NT5DC2: variants seen among roughly 807,000 people sequenced by gnomAD.
NT5DC2 encodes the protein 5'-nucleotidase domain-containing protein 2.
Under a neutral mutation model 70.0 loss-of-function variants are expected in NT5DC2, and 41 were observed. The ratio of observed to expected loss-of-function variants is 0.59; its 90% CI spans 0.46 to 0.76. NT5DC2 has a LOEUF of 0.76. NT5DC2 is among the 30% of genes least tolerant of loss of function. The pLI is 0.00. For missense variants in NT5DC2, 705 were observed against 783.2 expected (o/e 0.90, Z 1.19); for synonymous variants, 299 against 310.4 (o/e 0.96, Z 0.39).
At chr3:52,534,151 ACCCC>A, upstream of NT5DC2, 2 of 291,116 alleles carry the variant, frequency 6.9e-6, no homozygotes, top group Non-Finnish European at 1.3e-5. Context: ...CGCGACGGGT[ACCCC>A]CCGGGCCCCC....
At chr3:52,533,429 C>A in intron 1 of NT5DC2, 77 bp downstream of exon 1, 1 of 1,389,064 alleles carries the variant, frequency 7.2e-7, no homozygotes, top group Non-Finnish European at 9.5e-7. Flanking sequence ...CCCGGAGGAG[C>A]GGCACCCTGG....
upstream of NT5DC2, chr3:52,534,418 G>A (rs2153249204): frequency 1.3e-6 from 2 of 1,559,536 alleles, no homozygotes; most frequent in East Asian, 2.3e-5. Context: ...GAGGCCGAGG[G>A]GCCTGCAGGG....
chr3:52,533,526 T>A lies in NT5DC2; in HGVS notation c.212A>T (p.Asp71Val). The change falls in exon 1 of 14, where the codon GAC becomes GTC. Residue 71 changes from aspartate (D) to valine (V), a missense_variant. Transcript: ENST00000422318. ...LSAHLWARYQ[D>V]MRRLVHDLLP... is the part of the protein sequence containing the mutation. ...CCCACCGTGCACCAGTCTCCGCATGTCCTGGTAGCGAGCCCATAGGTGCGC... is the reference window on the plus strand; with the variant it reads ...CCCACCGTGCACCAGTCTCCGCATGACCTGGTAGCGAGCCCATAGGTGCGC... The A allele has an allele frequency of 1.4e-6, 2 of 1,458,922 alleles. No individual in the cohort carries two copies. 90.4% of individuals were successfully genotyped at this position (1,458,922 alleles called of 1,614,324 possible).
At chr3:52,534,764 G>T (rs1192870632), upstream of NT5DC2, 2 of 1,443,716 alleles carry the variant, frequency 1.4e-6, no homozygotes, top group East Asian at 2.3e-5. Flanking sequence ...AGCCAGCTGG[G>T]CGCGCGTTGT....
At chr3:52,528,588 C>A (rs1181952440) in intron 4 of NT5DC2, 49 bp from the exon 5 acceptor site, 9 of 1,244,268 alleles carry the variant, frequency 7.2e-6, no homozygotes, top group Non-Finnish European at 8.8e-6. Flanking sequence ...TGAGCCAGAA[C>A]AGCAGTGTAG....
chr3:52,527,765 T>C, intron 8 of NT5DC2, 47 bp from the exon 9 acceptor site: 1 of 1,608,442 alleles, frequency 6.2e-7, no homozygotes, highest in South Asian at 1.1e-5. Flanking sequence ...GGCGGCTCCG[T>C]GCCTGCCCTC....
upstream of NT5DC2, chr3:52,534,555 C>T (rs149178183): frequency 1.9e-6 from 3 of 1,613,564 alleles, no homozygotes; most frequent in Admixed American, 3.3e-5. Flanking sequence ...GGTTTCCCGG[C>T]GCACGCCCCT....
chr3:52,533,529 T>C lies in NT5DC2; in HGVS notation c.209A>G (p.Gln70Arg), dbSNP rs1444649740. 4 of 1,453,466 alleles carry C rather than the reference T, an allele frequency of 2.8e-6. No individual in the cohort carries two copies. In the Admixed American group the frequency reaches 7.7e-5, roughly 28 times the overall value. 90.0% of individuals were successfully genotyped at this position (1,453,466 alleles called of 1,614,324 possible). ...ACCGTGCACCAGTCTCCGCATGTCC[T>C]GGTAGCGAGCCCATAGGTGCGCGCT... The part of the protein sequence containing the change: ...DLSAHLWARY[Q>R]DMRRLVHDLL... The change falls in exon 1 of 14, where the codon CAG becomes CGG. Residue 70 changes from glutamine (Q) to arginine (R), a missense_variant. By Grantham distance (43) the Gln-to-Arg change is conservative. Coordinates refer to ENST00000422318, the MANE Select transcript of NT5DC2 (RefSeq NM_001134231.2).
rs2079388946 is a variant in NT5DC2 at position 52,533,557 on chromosome 3, G to A, written c.181C>T (p.Leu61Phe). The A allele has an allele frequency of 6.6e-6, 9 of 1,358,780 alleles. No homozygotes were observed. Among genetic ancestry groups the A allele is most frequent in the Non-Finnish European group, 7.6e-6 (8 of 1,053,864 alleles). The allele number at this position is 1,358,780 out of a possible 1,614,324, so 84.2% of individuals were successfully genotyped here. Reference sequence around the variant, plus strand: ...TAGCGAGCCCATAGGTGCGCGCTGAGGTCGGCGCCGCTGGTGGGTGCCTGG... The same window carrying A: ...TAGCGAGCCCATAGGTGCGCGCTGAAGTCGGCGCCGCTGGTGGGTGCCTGG... ...PAQAPTSGADLSAHLWARYQD... is the reference protein window; with the variant it reads ...PAQAPTSGADFSAHLWARYQD... The change falls in exon 1 of 14, where the codon CTC becomes TTC. Residue 61 changes from leucine (L) to phenylalanine (F), a missense_variant. Transcript: ENST00000422318.
At chr3:52,525,589 A>G (rs2079249571) in intron 10 of NT5DC2, 1 of 395,824 alleles carries the variant, frequency 2.5e-6, no homozygotes, top group Admixed American at 4.2e-5. Flanking sequence ...CCCTGTTTGT[A>G]AGGTAGAAAC....
chr3:52,533,720 C>T lies in NT5DC2; in HGVS notation c.18G>A (p.Leu6=). 1.0e-6 allele frequency: 1 copy of T among 994,050 alleles called. No individual in the cohort carries two copies. The highest frequency in any genetic ancestry group is 1.2e-6 in the Non-Finnish European group (1 of 837,300). 61.6% of individuals were successfully genotyped at this position (994,050 alleles called of 1,614,324 possible). The change falls in exon 1 of 14, where the codon CTG becomes CTA. Residue 6 remains leucine (L), a synonymous_variant. Transcript: ENST00000422318. MAGAG[L]RAAARRWLLC... The stretch of plus-strand genomic sequence containing the variant: ...GCAGCCAGCGCCGAGCGGCCGCCCG[C>T]AGCCCCGCACCCGCCATGCCCACCG...
At chr3:52,532,282 C>T in intron 1 of NT5DC2, 2 of 985,406 alleles carry the variant, frequency 2.0e-6, no homozygotes, top group Non-Finnish European at 2.4e-6. Flanking sequence ...CCCCGTAGTC[C>T]TCCCTGAAAC....
Position 52,529,573 on chromosome 3 carries a change from C to A in NT5DC2, c.233-239G>T, listed in dbSNP as rs1287329176. On this transcript the variant is annotated intron_variant, in intron 1 of 13. Transcript: ENST00000422318. This position sits in a 1 kb window ranked among gnomAD's most constrained non-coding sequence, Gnocchi z 4.1. Reference sequence around the variant, plus strand: ...GAGCTCCTCCTCATGGTTACACCTGCCTACATTACACTATCTCCTATAGCC... The same window carrying A: ...GAGCTCCTCCTCATGGTTACACCTGACTACATTACACTATCTCCTATAGCC... Among the ~76,000 whole-genome samples, 1 of 152,062 alleles carries A rather than the reference C, an allele frequency of 6.6e-6. No homozygotes were observed. The highest frequency in any genetic ancestry group is 2.4e-5 in the African/African-American group (1 of 41,376).
In NT5DC2 at chr3:52,529,383, C is replaced by A. The variant is rs766939512; in HGVS notation, c.233-49G>T. The stretch of plus-strand genomic sequence containing the variant: ...GCAGTGATGGGGATGATGATCCCTG[C>A]AGCAGCTATGGCTCCTGAGCACTCT... On this transcript the variant is annotated intron_variant, in intron 1 of 13. Transcript: ENST00000422318. The surrounding 1 kb of genome is among the most constrained non-coding windows in gnomAD (Gnocchi z 4.1). The A allele has an allele frequency of 3.2e-6, 5 of 1,571,342 alleles. No homozygotes were observed.
At position 52,531,101 on chromosome 3, in the gene NT5DC2, G is replaced by A. The variant is rs1035439472; in HGVS notation, c.233-1767C>T. ...GGCAGACATCTCGCTGATGTGCTCCGTGCCCAGAGCACTTGCCTCAGAGGC... is the reference window on the plus strand; with the variant it reads ...GGCAGACATCTCGCTGATGTGCTCCATGCCCAGAGCACTTGCCTCAGAGGC... On this transcript the variant is annotated intron_variant, in intron 1 of 13. Coordinates refer to ENST00000422318, the MANE Select transcript of NT5DC2 (RefSeq NM_001134231.2). This position sits in a 1 kb window ranked among gnomAD's most constrained non-coding sequence, Gnocchi z 4.1. Among the ~76,000 whole-genome samples the A allele has an allele frequency of 1.3e-5, 2 of 152,244 alleles. No homozygotes were observed. Among genetic ancestry groups the A allele is most frequent in the South Asian group, 2.1e-4 (1 of 4,832 alleles).
In NT5DC2 at chr3:52,527,597, A is replaced by C; in HGVS notation, c.1037+20T>G. On this transcript the variant is annotated intron_variant, in intron 9 of 13. Coordinates refer to ENST00000422318, the MANE Select transcript of NT5DC2 (RefSeq NM_001134231.2). Reference sequence around the variant, plus strand: ...CTCTATTCCCCTTCCCTGGCCCTGCAACCCCCACCATGCCCATACTTGCGC... The same window carrying C: ...CTCTATTCCCCTTCCCTGGCCCTGCCACCCCCACCATGCCCATACTTGCGC... 6.2e-7 allele frequency: 1 copy of C among 1,610,556 alleles called. No individual in the cohort carries two copies. The highest frequency in any genetic ancestry group is 8.5e-7 in the Non-Finnish European group (1 of 1,178,476).
chr3:52,528,748 C>T, intron 3 of NT5DC2, 56 bp from the exon 4 acceptor site: 1 of 1,607,150 alleles, frequency 6.2e-7, no homozygotes, highest in African/African-American at 1.3e-5. Context: ...ACCGTGGCCC[C>T]AAGCCAGCCT....
At chr3:52,533,437 TG>T in intron 1 of NT5DC2, 68 bp downstream of exon 1, 5 of 1,428,068 alleles carry the variant, frequency 3.5e-6, no homozygotes, top group Non-Finnish European at 1.9e-6. Flanking sequence ...AGCGGCACCC[TG>T]GGGCTCGGTC....
chr3:52,534,295 G>T (rs2079401524), upstream of NT5DC2: 2 of 620,838 alleles, frequency 3.2e-6, no homozygotes, highest in South Asian at 1.9e-5. Context: ...CCTGGTCCCC[G>T]GTCTCTGGGC....
Sources: gnomAD v4.1 joint callset for allele counts (sites outside exome capture counted in the v4.1 genomes callset) on GRCh38, gnomAD v4.1.1 for gene constraint, Gnocchi (gnomAD v3.1) non-coding constraint, MANE v1.5 for transcripts, NCBI Gene and HGNC (gene_info 2026-07-23, HGNC 2026-07-21) for gene names.